The following CIB1 variants were observed in gnomAD, a reference collection of about 807,000 sequenced individuals.
The protein encoded by CIB1 is calcium and integrin binding 1, also known as calcium and integrin-binding protein 1.
CIB1 carries 19 observed loss-of-function variants against 25.0 expected under a neutral mutation model. The observed-to-expected ratio is 0.76, with a 90% CI of 0.53 to 1.12. The LOEUF (loss-of-function observed/expected upper bound fraction) is 1.12, where lower values mean the gene tolerates loss of function less well. CIB1 is among the 50% of genes most tolerant of loss of function. The pLI is 0.00. For synonymous variants in CIB1, 104 were observed against 98.5 expected, an observed-to-expected ratio of 1.06 and a Z score of -0.33; for missense variants, 236 against 242.6, an observed-to-expected ratio of 0.97 and a Z score of 0.18.
At chr15:90,234,065 T>G (rs982615258), upstream of CIB1, 3 of 648,360 alleles carry the variant, frequency 4.6e-6, no homozygotes, top group Non-Finnish European at 4.8e-6. Context: ...GCAGGCGAGC[T>G]GCCGGCTCCA....
At chr15:90,264,910 G>A in the CIB1 span, 36 of 1,536,034 alleles carry the variant, frequency 2.3e-5, no homozygotes, top group African/African-American at 4.0e-4. Flanking sequence ...TCTGCCCTGC[G>A]TCTGCACCCA....
chr15:90,254,861 A>G, the CIB1 span, among the ~76,000 whole-genome samples: 1 of 152,188 alleles, frequency 6.6e-6, no homozygotes, highest in African/African-American at 2.4e-5. Context: ...AGGGGGAAAA[A>G]AAAAGGATAA....
At chr15:90,236,688 C>A (rs1487795712), upstream of CIB1, among the ~76,000 whole-genome samples, 3 of 151,848 alleles carry the variant, frequency 2.0e-5, no homozygotes, top group African/African-American at 7.3e-5. Flanking sequence ...AGTGCACCAC[C>A]ACGCCCAGCT....
At chr15:90,250,815 C>T in the CIB1 span, 38 of 1,613,998 alleles carry the variant, frequency 2.4e-5, no homozygotes, top group Middle Eastern at 1.6e-4. Context: ...ACAAAAATTC[C>T]GAAGAAAGTC....
chr15:90,263,870 A>C, the CIB1 span: 1 of 987,580 alleles, frequency 1.0e-6, no homozygotes, highest in Non-Finnish European at 1.5e-6. Flanking sequence ...CTGCCCCATG[A>C]ATCAATCCCC....
the CIB1 span, chr15:90,265,268 C>T: frequency 6.4e-6 from 8 of 1,257,158 alleles, no homozygotes; most frequent in African/African-American, 1.5e-5. Context: ...CTAGGTGCGG[C>T]CCGGGGCTGG....
At chr15:90,249,237 AGG>A in the CIB1 span, among the ~76,000 whole-genome samples, 10 of 142,926 alleles carry the variant, frequency 7.0e-5, no homozygotes, top group African/African-American at 1.0e-4. Context: ...AAAAAAAAAA[AGG>A]GAGAATTGAG....
the CIB1 span, among the ~76,000 whole-genome samples, chr15:90,255,125 G>A: frequency 6.6e-6 from 1 of 152,214 alleles, no homozygotes; most frequent in Non-Finnish European, 1.5e-5. Context: ...ACCATCCCCA[G>A]GGTATTCTTT....
the CIB1 span, chr15:90,253,487 A>G: frequency 7.0e-6 from 4 of 571,748 alleles, no homozygotes; most frequent in Non-Finnish European, 1.2e-5. Flanking sequence ...TGCAGACAAG[A>G]AAGACCACCC....
the CIB1 span, chr15:90,264,769 A>C: frequency 6.5e-7 from 1 of 1,536,140 alleles, no homozygotes; most frequent in Non-Finnish European, 8.7e-7. Context: ...TCCTGGCAGG[A>C]TCAGTGCCAC....
At chr15:90,260,570 C>G in the CIB1 span, among the ~76,000 whole-genome samples, 1 of 151,396 alleles carries the variant, frequency 6.6e-6, no homozygotes, top group Non-Finnish European at 1.5e-5. Flanking sequence ...AGCAAGCAAG[C>G]GGCCAGGTGC....
the CIB1 span, among the ~76,000 whole-genome samples, chr15:90,254,690 A>C: frequency 6.6e-6 from 1 of 151,720 alleles, no homozygotes; most frequent in Non-Finnish European, 1.5e-5. Flanking sequence ...TACAAAAATA[A>C]AAAAATATTA....
At chr15:90,257,371 C>T in the CIB1 span, 4 of 1,498,188 alleles carry the variant, frequency 2.7e-6, 1 homozygote, top group South Asian at 5.3e-5. Context: ...GTCACTGTCA[C>T]CAAAGAACAA....
the CIB1 span, chr15:90,242,172 C>G: frequency 7.5e-6 from 7 of 938,182 alleles, no homozygotes; most frequent in African/African-American, 8.3e-5. Context: ...ACTGTAGCCT[C>G]CACCTCTGGG....
the CIB1 span, among the ~76,000 whole-genome samples, chr15:90,252,787 G>A: frequency 1.3e-5 from 2 of 152,150 alleles, no homozygotes; most frequent in Non-Finnish European, 2.9e-5. Context: ...CGAATCTCCT[G>A]AGGTCAGGAG....
chr15:90,253,474 T>G, the CIB1 span: 1 of 651,328 alleles, frequency 1.5e-6, no homozygotes, highest in East Asian at 2.9e-5. Flanking sequence ...GGCTGTCCCC[T>G]TGTGCAGACA....
chr15:90,262,594 GA>G, the CIB1 span: 1 of 1,534,440 alleles, frequency 6.5e-7, no homozygotes, highest in African/African-American at 1.4e-5. Context: ...CAGCTGGGGA[GA>G]AAAGCCGACC....
the CIB1 span, among the ~76,000 whole-genome samples, chr15:90,259,342 T>C: frequency 1.3e-5 from 2 of 151,950 alleles, no homozygotes; most frequent in Non-Finnish European, 2.9e-5. Context: ...GTGAGCCATG[T>C]TTGCACCACT....
chr15:90,253,862 G>A, the CIB1 span, among the ~76,000 whole-genome samples: 516 of 152,320 alleles, frequency 3.4e-3, no homozygotes, highest in African/African-American at 0.012. Flanking sequence ...CTAATTGGGC[G>A]TTTGTGGTGA....
Sources: gnomAD v4.1 joint callset for allele counts (sites outside exome capture counted in the v4.1 genomes callset) on GRCh38, gnomAD v4.1.1 for gene constraint, MANE v1.5 for transcripts, NCBI Gene and HGNC (gene_info 2026-07-23, HGNC 2026-07-21) for gene names.